The following REC114 variants were observed in gnomAD, a reference collection of about 807,000 sequenced individuals.
REC114 encodes the protein REC114 meiotic recombination protein.
REC114 carries 27 observed loss-of-function variants against 31.3 expected under a neutral mutation model. The observed-to-expected ratio is 0.86, with a 90% CI of 0.64 to 1.19. REC114 has a LOEUF of 1.19. REC114 is among the 50% of genes most tolerant of loss of function. The pLI, the probability that REC114 is intolerant of heterozygous loss-of-function variation, is 0.00. For missense variants in REC114, 344 were observed against 326.9 expected, an observed-to-expected ratio of 1.05 and a Z score of -0.40; for synonymous variants, 134 against 127.7, an observed-to-expected ratio of 1.05 and a Z score of -0.33.
intron 1 of REC114, among the ~76,000 whole-genome samples, chr15:73,470,695 G>C (rs1257865506): frequency 6.6e-6 from 1 of 152,190 alleles, no homozygotes; most frequent in African/African-American, 2.4e-5. Flanking sequence ...AAAGTGGTAA[G>C]AGCTATGGAT....
chr15:73,453,321 A>G (rs929417407), intron 1 of REC114, among the ~76,000 whole-genome samples: 1 of 151,752 alleles, frequency 6.6e-6, no homozygotes, highest in Non-Finnish European at 1.5e-5. Context: ...TGGGCGAAGG[A>G]TATGTACAAA....
chr15:73,496,777 A>G (rs1434829847), intron 2 of REC114, among the ~76,000 whole-genome samples: 2 of 152,178 alleles, frequency 1.3e-5, no homozygotes, highest in African/African-American at 2.4e-5. Context: ...CACTAACACA[A>G]TACTACTAAC....
chr15:73,478,548 T>C (rs754956323), intron 2 of REC114, among the ~76,000 whole-genome samples: 16 of 152,210 alleles, frequency 1.1e-4, no homozygotes, highest in Non-Finnish European at 1.5e-4. Flanking sequence ...TTTTCAAAGT[T>C]GTTTTGACTA....
At chr15:73,450,590 A>G (rs1266602434) in intron 1 of REC114, among the ~76,000 whole-genome samples, 1 of 152,220 alleles carries the variant, frequency 6.6e-6, no homozygotes, top group African/African-American at 2.4e-5. Context: ...ACGGAAAATT[A>G]ACAAGGATAT....
intron 2 of REC114, among the ~76,000 whole-genome samples, chr15:73,488,271 T>C (rs1893400137): frequency 6.6e-6 from 1 of 152,254 alleles, no homozygotes. Context: ...TCTTAATGAA[T>C]TGTATCTGGC....
chr15:73,558,197 G>C (rs1337540349), intron 5 of REC114, among the ~76,000 whole-genome samples: 3 of 152,132 alleles, frequency 2.0e-5, no homozygotes, highest in African/African-American at 7.2e-5. Flanking sequence ...AACAAAACAA[G>C]TGCTGTATAT....
At chr15:73,529,021 C>T (rs894540688) in intron 2 of REC114, among the ~76,000 whole-genome samples, 1 of 152,012 alleles carries the variant, frequency 6.6e-6, no homozygotes, top group African/African-American at 2.4e-5. Flanking sequence ...AAAATGTGAA[C>T]AGCAACAAAG....
chr15:73,533,695 CATCT>C (rs1336779599), intron 2 of REC114, among the ~76,000 whole-genome samples: 3 of 146,836 alleles, frequency 2.0e-5, no homozygotes. Flanking sequence ...ACCTAATAGA[CATCT>C]ACAGAACTCT....
At chr15:73,517,522 G>C (rs542215073) in intron 2 of REC114, among the ~76,000 whole-genome samples, 2 of 152,268 alleles carry the variant, frequency 1.3e-5, no homozygotes, top group Middle Eastern at 3.4e-3. Flanking sequence ...AGAAGTGAGG[G>C]GGGGAAAGAG....
intron 1 of REC114, among the ~76,000 whole-genome samples, chr15:73,466,239 AGT>A (rs1893056882): frequency 6.6e-6 from 1 of 151,996 alleles, no homozygotes; most frequent in South Asian, 2.1e-4. Context: ...TTAACTAATA[AGT>A]GAAGTTTTTT....
chr15:73,459,205 C>A (rs1055539139), intron 1 of REC114, among the ~76,000 whole-genome samples: 3 of 151,400 alleles, frequency 2.0e-5, no homozygotes, highest in African/African-American at 7.3e-5. Context: ...TTTACAGATG[C>A]GGTAATTAAA....
intron 2 of REC114, among the ~76,000 whole-genome samples, chr15:73,493,866 C>G (rs1051785590): frequency 3.9e-5 from 6 of 152,208 alleles, no homozygotes; most frequent in Non-Finnish European, 8.8e-5. Flanking sequence ...CGATTATTAT[C>G]TGGTACGCTG....
chr15:73,505,594 C>T (rs60224209), intron 2 of REC114, among the ~76,000 whole-genome samples: 6,584 of 151,918 alleles, frequency 0.043, 501 homozygotes, highest in African/African-American at 0.15. Flanking sequence ...AGCAGTGGCG[C>T]GATCTCCGCT....
intron 2 of REC114, among the ~76,000 whole-genome samples, chr15:73,518,675 C>G (rs1207461403): frequency 6.6e-6 from 1 of 152,178 alleles, no homozygotes; most frequent in Non-Finnish European, 1.5e-5. Context: ...GAGGGGTGAT[C>G]TCCCAAAGGA....
intron 1 of REC114, among the ~76,000 whole-genome samples, chr15:73,450,057 G>A (rs933270794): frequency 2.0e-5 from 3 of 152,172 alleles, no homozygotes; most frequent in Non-Finnish European, 2.9e-5. Flanking sequence ...AAAGACCATC[G>A]ATGCTATGAA....
rs1566950104 is a variant in REC114, at chr15:73,551,125, C to A, written c.521C>A (p.Ala174Glu). 1 of 1,610,478 alleles carries A rather than the reference C, an allele frequency of 6.2e-7. No homozygotes were observed. The highest frequency in any genetic ancestry group is 2.2e-5 in the East Asian group (1 of 44,668). ...ACTGAAAGTCAAGGGAAGGATTCTG[C>A]AAAGAGTGTCCCACGGCAGCCTGGA... Reference protein sequence around the residue: ...RATESQGKDSAKSVPRQPGSH... With the variant: ...RATESQGKDSEKSVPRQPGSH... Residue 174 changes from alanine (A) to glutamate (E), a missense_variant, in exon 4 of 6, where the codon GCA becomes GAA. Ala to Glu is a moderately radical substitution (Grantham distance 107). Coordinates refer to ENST00000331090, the MANE Select transcript of REC114 (RefSeq NM_001042367.2).
chr15:73,489,902 A>T (rs1466394385), intron 2 of REC114, among the ~76,000 whole-genome samples: 2 of 152,198 alleles, frequency 1.3e-5, no homozygotes, highest in Non-Finnish European at 2.9e-5. Flanking sequence ...CATTTCAGGT[A>T]GTGGAAGGAG....
intron 1 of REC114, among the ~76,000 whole-genome samples, chr15:73,463,055 A>G (rs1893012048): frequency 6.6e-6 from 1 of 152,210 alleles, no homozygotes. Context: ...TTAAAAAAGC[A>G]TAACCATAAT....
At chr15:73,447,976 G>C (rs1320382345) in intron 1 of REC114, among the ~76,000 whole-genome samples, 1 of 152,204 alleles carries the variant, frequency 6.6e-6, no homozygotes, top group African/African-American at 2.4e-5. Context: ...TTTTCCCATG[G>C]TCTTTGCAAT....
Sources: allele counts gnomAD v4.1 joint callset (sites outside exome capture counted in the v4.1 genomes callset), GRCh38; gene constraint gnomAD v4.1.1; transcripts MANE v1.5; gene names NCBI Gene and HGNC (gene_info 2026-07-23, HGNC 2026-07-21).